Variants in DAB2IP observed in about 807,000 individuals in gnomAD.
The protein encoded by DAB2IP is DAB2 interacting protein.
A neutral mutation model predicts 107.2 loss-of-function variants in DAB2IP; 28 were observed. The observed-to-expected ratio is 0.26, with a 90% CI of 0.19 to 0.36. The LOEUF is 0.36. Ranked by LOEUF, DAB2IP falls within the 10% of genes least tolerant of loss-of-function variation. DAB2IP has a pLI of 1.00. For missense variants in DAB2IP, 1,400 were observed against 1,644.7 expected (o/e 0.85, Z 2.57); for synonymous variants, 755 against 706.4 (o/e 1.07, Z -1.09).
At chr9:121,667,631 C>G (rs1234929711) in intron 1 of DAB2IP, among the ~76,000 whole-genome samples, 1 of 151,962 alleles carries the variant, frequency 6.6e-6, no homozygotes, top group Non-Finnish European at 1.5e-5. Flanking sequence ...GTTGGGATTA[C>G]AGTTGTGCGT....
intron 11 of DAB2IP, 130 bp downstream of exon 11, chr9:121,770,854 T>G: frequency 7.9e-7 from 1 of 1,266,092 alleles, no homozygotes; most frequent in Non-Finnish European, 1.1e-6. Flanking sequence ...AGACTTGAGT[T>G]GTACAGGTCC....
chr9:121,571,642 C>T (rs902732790), intron 1 of DAB2IP, among the ~76,000 whole-genome samples: 1 of 152,144 alleles, frequency 6.6e-6, no homozygotes. Context: ...GACCCCAGTT[C>T]TGATTGCATC....
chr9:121,603,151 G>A (rs1329249233), intron 1 of DAB2IP, among the ~76,000 whole-genome samples: 2 of 152,202 alleles, frequency 1.3e-5, no homozygotes, highest in Non-Finnish European at 2.9e-5. Flanking sequence ...TGCATCTCGC[G>A]GGGAGAGGAG....
chr9:121,581,899 C>T (rs1830200884), intron 1 of DAB2IP, among the ~76,000 whole-genome samples: 1 of 152,218 alleles, frequency 6.6e-6, no homozygotes, highest in Admixed American at 6.5e-5. Flanking sequence ...AATGCCAACT[C>T]CCCATCCTTC....
rs533018866 is a variant in DAB2IP at position 121,615,731 on chromosome 9, A to G, written c.40+48503A>G. Among the ~76,000 whole-genome samples the G allele has an allele frequency of 3.3e-5, 5 of 151,244 alleles. No homozygotes were observed. The South Asian group carries it at 1.0e-3, about 31-fold the overall frequency. ...AACCTTGGCCTCCCTGGTTCAAGCGATTCTCCTGCCTCAGCCTCCCGAGTA... is the reference window on the plus strand; with the variant it reads ...AACCTTGGCCTCCCTGGTTCAAGCGGTTCTCCTGCCTCAGCCTCCCGAGTA... On this transcript the variant is annotated intron_variant, in intron 1 of 16. Coordinates refer to the DAB2IP transcript ENST00000259371.
At chr9:121,756,515 T>C (rs1483292664) in intron 3 of DAB2IP, among the ~76,000 whole-genome samples, 1 of 152,226 alleles carries the variant, frequency 6.6e-6, no homozygotes, top group Non-Finnish European at 1.5e-5. Flanking sequence ...TTCCCTCGTG[T>C]GGGTCTGCTG....
At chr9:121,735,441 T>A (rs1831829558) in intron 3 of DAB2IP, among the ~76,000 whole-genome samples, 1 of 152,250 alleles carries the variant, frequency 6.6e-6, no homozygotes, top group South Asian at 2.1e-4. Flanking sequence ...TGACACAGTC[T>A]GCAGCTTAGT....
intron 3 of DAB2IP, among the ~76,000 whole-genome samples, chr9:121,712,413 A>G (rs992865331): frequency 6.6e-6 from 1 of 152,200 alleles, no homozygotes; most frequent in Non-Finnish European, 1.5e-5. Flanking sequence ...AGGTAAGAGC[A>G]ATGAGGGCCA....
chr9:121,765,107 C>T (rs991390821), intron 8 of DAB2IP, among the ~76,000 whole-genome samples: 1 of 152,234 alleles, frequency 6.6e-6, no homozygotes, highest in African/African-American at 2.4e-5. Flanking sequence ...CACAAATGTG[C>T]AGCTTTCCAC....
chr9:121,783,585 C>T (rs1452836728), exon 16 of DAB2IP: 2 of 1,612,574 alleles, frequency 1.2e-6, no homozygotes, highest in Admixed American at 1.7e-5. Flanking sequence ...AACACAGGGG[C>T]CTTTTAAGTT....
chr9:121,738,963 G>A (rs1832124821), intron 3 of DAB2IP, among the ~76,000 whole-genome samples: 2 of 152,244 alleles, frequency 1.3e-5, no homozygotes, highest in African/African-American at 4.8e-5. Flanking sequence ...GGGAAACATA[G>A]TGAAGTTCCC....
intron 3 of DAB2IP, among the ~76,000 whole-genome samples, chr9:121,728,622 G>GAGAGGGGCATTAGTGCCCAACTTA (rs1222241967): frequency 6.6e-6 from 1 of 152,198 alleles, no homozygotes; most frequent in Non-Finnish European, 1.5e-5. Context: ...CCTTGTATCA[G>GAGAGGGGCATTAGTGCCCAACTTA]AGAGGGGCAT....
chr9:121,707,501 A>G (rs1238484888), intron 3 of DAB2IP, among the ~76,000 whole-genome samples: 1 of 152,192 alleles, frequency 6.6e-6, no homozygotes, highest in Non-Finnish European at 1.5e-5. Flanking sequence ...TGTCCCAGTT[A>G]ACCATCACCT....
chr9:121,742,266 A>T (rs567645615), intron 3 of DAB2IP, among the ~76,000 whole-genome samples: 2 of 150,998 alleles, frequency 1.3e-5, no homozygotes, highest in Non-Finnish European at 2.9e-5. Context: ...CGTCTCTACT[A>T]AAAAAATACA....
chr9:121,630,652 G>A (rs1831842556), intron 1 of DAB2IP, among the ~76,000 whole-genome samples: 1 of 150,702 alleles, frequency 6.6e-6, no homozygotes, highest in African/African-American at 2.4e-5. Context: ...CTGTTGCCCA[G>A]GCTGGAGTGC....
upstream of DAB2IP, among the ~76,000 whole-genome samples, chr9:121,648,995 C>T (rs1248696773): frequency 2.0e-5 from 3 of 152,164 alleles, no homozygotes; most frequent in Non-Finnish European, 4.4e-5. Context: ...TTCCAGGTCC[C>T]CTGCTGGGCT....
intron 1 of DAB2IP, among the ~76,000 whole-genome samples, chr9:121,610,940 G>A (rs1347624934): frequency 6.6e-6 from 1 of 152,068 alleles, no homozygotes; most frequent in Non-Finnish European, 1.5e-5. Context: ...CTCGCTAAGG[G>A]ATTTCCTTTT....
intron 1 of DAB2IP, among the ~76,000 whole-genome samples, chr9:121,639,108 A>C (rs745817223): frequency 6.6e-6 from 1 of 152,216 alleles, no homozygotes; most frequent in Non-Finnish European, 1.5e-5. Context: ...CTCTGCCACT[A>C]ATCAACTCTT....
At chr9:121,608,912 C>T (rs529463519) in intron 1 of DAB2IP, among the ~76,000 whole-genome samples, 8 of 152,234 alleles carry the variant, frequency 5.3e-5, no homozygotes, top group Admixed American at 3.3e-4. Flanking sequence ...CTAGGTTTCT[C>T]GGCTTTTTCT....
Sources: allele counts gnomAD v4.1 joint callset (sites outside exome capture counted in the v4.1 genomes callset), GRCh38; gene constraint gnomAD v4.1.1; transcripts MANE v1.5; gene names NCBI Gene and HGNC (gene_info 2026-07-23, HGNC 2026-07-21).